FRMD4A: variants seen among roughly 807,000 people sequenced by gnomAD.
The protein encoded by FRMD4A is FERM domain containing 4A.
Under a neutral mutation model 129.1 loss-of-function variants are expected in FRMD4A, and 29 were observed. That is an observed-to-expected ratio of 0.22 (90% CI 0.17 to 0.31). FRMD4A has a LOEUF of 0.31. Ranked by LOEUF, FRMD4A falls within the 10% of genes least tolerant of loss-of-function variation. FRMD4A has a pLI of 1.00. For missense variants in FRMD4A, 1,272 were observed against 1,375.8 expected (o/e 0.92, Z 1.19); for synonymous variants, 634 against 571.6 (o/e 1.11, Z -1.56).
chr10:13,724,375 A>G (rs2089719171), intron 12 of FRMD4A, among the ~76,000 whole-genome samples: 1 of 148,804 alleles, frequency 6.7e-6, no homozygotes, highest in Admixed American at 6.8e-5. Context: ...GTGAAAGAGC[A>G]AGACTCTGTC....
chr10:14,273,743 C>A (rs1361726502), intron 2 of FRMD4A, among the ~76,000 whole-genome samples: 1 of 152,102 alleles, frequency 6.6e-6, no homozygotes, highest in Non-Finnish European at 1.5e-5. Context: ...TGCAATGGGG[C>A]TCCAGGTCCT....
chr10:13,860,057 C>T (rs144778953), intron 2 of FRMD4A, among the ~76,000 whole-genome samples: 47 of 152,242 alleles, frequency 3.1e-4, no homozygotes, highest in African/African-American at 9.9e-4. Flanking sequence ...GTAGCATTTG[C>T]TGGAGCCTGG....
intron 2 of FRMD4A, among the ~76,000 whole-genome samples, chr10:14,025,042 C>T (rs552458207): frequency 6.5e-4 from 99 of 152,296 alleles, no homozygotes; most frequent in Non-Finnish European, 1.0e-3. Flanking sequence ...GTTTTGTACA[C>T]GATGACTGAA....
chr10:14,311,898 C>G (rs539889411), intron 2 of FRMD4A, among the ~76,000 whole-genome samples: 30 of 152,178 alleles, frequency 2.0e-4, no homozygotes, highest in African/African-American at 7.2e-4. Flanking sequence ...TTTTTCAACC[C>G]AGAGCATAAG....
intron 2 of FRMD4A, among the ~76,000 whole-genome samples, chr10:14,127,406 C>T (rs1838904327): frequency 1.3e-5 from 2 of 152,222 alleles, no homozygotes; most frequent in Non-Finnish European, 2.9e-5. Context: ...TCTGAGTCCC[C>T]GTCCTGCGAG....
Position 13,740,552 on chromosome 10 carries a change from T to C in FRMD4A, c.574A>G (p.Lys192Glu). 6.3e-7 allele frequency: 1 copy of C among 1,591,840 alleles called. No homozygotes were observed. The highest frequency in any genetic ancestry group is 8.6e-7 in the Non-Finnish European group (1 of 1,162,788). ...CCTCTTGTCTGACCGTTCAGTTTCT[T>C]GTAGTGCTCAATGACTCTGTCTTCA... is the stretch of plus-strand genomic sequence containing the variant. ...YCEDRVIEHY[K>E]KLNGQTRGQA... Residue 192 changes from lysine to glutamate, a missense_variant, in exon 10 of 25, where the codon AAG becomes GAG. Physicochemically the swap from Lys to Glu is moderately conservative, Grantham distance 56 (BLOSUM62 1). Transcript: ENST00000357447.
chr10:14,254,756 C>T (rs537873167), intron 2 of FRMD4A, among the ~76,000 whole-genome samples: 2 of 151,732 alleles, frequency 1.3e-5, no homozygotes, highest in East Asian at 1.9e-4. Flanking sequence ...TTTTAATGTG[C>T]ACATGTACCC....
chr10:14,121,080 G>C (rs1236700561), intron 2 of FRMD4A, among the ~76,000 whole-genome samples: 2 of 152,170 alleles, frequency 1.3e-5, no homozygotes, highest in Admixed American at 6.5e-5. Context: ...CTAAAACACA[G>C]ATTCTGGCCG....
At chr10:13,998,368 A>G (rs1439891006) in intron 2 of FRMD4A, among the ~76,000 whole-genome samples, 1 of 152,196 alleles carries the variant, frequency 6.6e-6, no homozygotes, top group Non-Finnish European at 1.5e-5. Context: ...AGTTGAGAAG[A>G]AATCACATAA....
chr10:14,210,029 C>T (rs1842894019), intron 2 of FRMD4A, among the ~76,000 whole-genome samples: 1 of 152,174 alleles, frequency 6.6e-6, no homozygotes, highest in African/African-American at 2.4e-5. Flanking sequence ...CTGCAGGCAT[C>T]TCAATTTCAT....
intron 2 of FRMD4A, among the ~76,000 whole-genome samples, chr10:14,026,508 G>T (rs1159979367): frequency 6.6e-6 from 1 of 152,178 alleles, no homozygotes; most frequent in East Asian, 1.9e-4. Context: ...AATTAGAGCG[G>T]GTCCCACAGC....
At chr10:13,652,068 A>C in intron 23 of FRMD4A, 94 bp from the exon 24 acceptor site, 1 of 783,282 alleles carries the variant, frequency 1.3e-6, no homozygotes, top group Non-Finnish European at 2.3e-6. Flanking sequence ...GCTTATTAAT[A>C]TATCCGAAAG....
At chr10:13,834,721 G>T (rs1466821860) in intron 3 of FRMD4A, among the ~76,000 whole-genome samples, 4 of 152,176 alleles carry the variant, frequency 2.6e-5, no homozygotes, top group Non-Finnish European at 5.9e-5. Flanking sequence ...TCCACAGGGG[G>T]TGAACAGGGA....
chr10:13,698,540 G>T (rs1255376667), intron 14 of FRMD4A, among the ~76,000 whole-genome samples: 1 of 152,192 alleles, frequency 6.6e-6, no homozygotes. Context: ...CATCATCTCT[G>T]ATTTAATTTG....
chr10:13,738,175 C>G (rs112597598), intron 11 of FRMD4A, among the ~76,000 whole-genome samples: 1 of 152,132 alleles, frequency 6.6e-6, no homozygotes, highest in Non-Finnish European at 1.5e-5. Context: ...ATCAGCCGCA[C>G]AGCCGAGGTC....
chr10:13,944,240 C>T (rs2095315314), intron 2 of FRMD4A, among the ~76,000 whole-genome samples: 1 of 152,166 alleles, frequency 6.6e-6, no homozygotes, highest in African/African-American at 2.4e-5. Context: ...ACCACCTGGG[C>T]TCCACCTCCC....
chr10:13,805,483 C>T (rs1185396436), intron 4 of FRMD4A, among the ~76,000 whole-genome samples: 3 of 150,822 alleles, frequency 2.0e-5, no homozygotes, highest in Non-Finnish European at 4.4e-5. Context: ...TACTTATTTA[C>T]AGCATTTAAC....
chr10:14,185,467 AAACATTAC>A (rs1401269073), intron 2 of FRMD4A, among the ~76,000 whole-genome samples: 1 of 152,256 alleles, frequency 6.6e-6, no homozygotes, highest in Non-Finnish European at 1.5e-5. Flanking sequence ...TTAGTACAAA[AAACATTAC>A]AACATTTTGT....
At chr10:13,940,944 T>C (rs1347101136) in intron 2 of FRMD4A, among the ~76,000 whole-genome samples, 15 of 152,184 alleles carry the variant, frequency 9.9e-5, no homozygotes, top group Non-Finnish European at 2.2e-4. Context: ...CTCTACTCTC[T>C]GGTGCTACTG....
Sources: gnomAD v4.1 joint callset for allele counts (sites outside exome capture counted in the v4.1 genomes callset) on GRCh38, gnomAD v4.1.1 for gene constraint, MANE v1.5 for transcripts, NCBI Gene and HGNC (gene_info 2026-07-23, HGNC 2026-07-21) for gene names.